The following LRP1B variants were observed in gnomAD, a reference collection of about 807,000 sequenced individuals.
LRP1B encodes low-density lipoprotein receptor-related protein 1B.
Under a neutral mutation model 556.6 loss-of-function variants are expected in LRP1B, and 217 were observed. That is an observed-to-expected ratio of 0.39 (90% CI 0.35 to 0.44). LRP1B has a LOEUF of 0.44. LRP1B is among the 20% of genes least tolerant of loss of function. The probability of loss-of-function intolerance (pLI) is 1.00; values close to 1 mark genes in which losing one functional copy is unlikely to be tolerated. For missense variants in LRP1B, 5,053 were observed against 5,620.8 expected (o/e 0.90, Z 3.23); for synonymous variants, 2,047 against 1,865.8 (o/e 1.10, Z -2.50).
At chr2:140,934,576 C>A (rs1288564116) in intron 20 of LRP1B, among the ~76,000 whole-genome samples, 6 of 151,964 alleles carry the variant, frequency 3.9e-5, no homozygotes, top group Non-Finnish European at 7.4e-5. Context: ...CCTATGAATC[C>A]CTCAGACCCC....
At chr2:140,428,372 G>T (rs907331748) in intron 66 of LRP1B, among the ~76,000 whole-genome samples, 5 of 152,102 alleles carry the variant, frequency 3.3e-5, no homozygotes, top group African/African-American at 1.2e-4. Flanking sequence ...AAACCGCAGT[G>T]GCCAGGTATT....
chr2:141,911,329 G>T (rs566400240), intron 1 of LRP1B, among the ~76,000 whole-genome samples: 1 of 152,040 alleles, frequency 6.6e-6, no homozygotes, highest in Non-Finnish European at 1.5e-5. Context: ...TTATATTTCT[G>T]CAATAAAATT....
intron 1 of LRP1B, among the ~76,000 whole-genome samples, chr2:141,978,240 T>C (rs1023938939): frequency 3.3e-5 from 5 of 152,088 alleles, no homozygotes; most frequent in Admixed American, 3.3e-4. Flanking sequence ...AATTGGGTCA[T>C]TGGGGACTGT....
intron 18 of LRP1B, among the ~76,000 whole-genome samples, chr2:140,958,955 A>C (rs1695954421): frequency 6.6e-6 from 1 of 151,654 alleles, no homozygotes; most frequent in Non-Finnish European, 1.5e-5. Flanking sequence ...GAAATCAAGA[A>C]ATATCAGTCA....
intron 2 of LRP1B, among the ~76,000 whole-genome samples, chr2:141,706,017 A>C (rs865871502): frequency 4.7e-4 from 71 of 152,176 alleles, no homozygotes; most frequent in African/African-American, 1.6e-3. Flanking sequence ...TAAATAGAAC[A>C]CGACTAAGTA....
At chr2:141,480,231 G>T in intron 3 of LRP1B, 165 bp downstream of exon 3, 1 of 703,902 alleles carries the variant, frequency 1.4e-6, no homozygotes, top group Non-Finnish European at 2.5e-6. Context: ...CATAATACTT[G>T]CAGCTTTGAA....
chr2:140,851,525 C>T (rs1044008481), intron 28 of LRP1B, 127 bp downstream of exon 28: 1 of 1,026,386 alleles, frequency 9.7e-7, no homozygotes, highest in Non-Finnish European at 1.4e-6. Flanking sequence ...GCACCACCAC[C>T]TAAAATATTT....
intron 2 of LRP1B, among the ~76,000 whole-genome samples, chr2:141,493,441 A>G (rs1176541869): frequency 6.6e-6 from 1 of 152,168 alleles, no homozygotes. Flanking sequence ...CAAATATTTA[A>G]CAACAGATGA....
chr2:141,926,422 G>A (rs1269635110), intron 1 of LRP1B, among the ~76,000 whole-genome samples: 1 of 152,116 alleles, frequency 6.6e-6, no homozygotes, highest in Admixed American at 6.6e-5. Flanking sequence ...ACAGCGCTTA[G>A]AAACTAAGTA....
intron 2 of LRP1B, among the ~76,000 whole-genome samples, chr2:141,487,066 C>G (rs79090878): frequency 1.3e-5 from 2 of 152,120 alleles, no homozygotes; most frequent in Non-Finnish European, 2.9e-5. Context: ...TTCCTCACAG[C>G]GTTCCATGGA....
chr2:140,981,936 T>A (rs1300593827), intron 18 of LRP1B, among the ~76,000 whole-genome samples: 1 of 152,186 alleles, frequency 6.6e-6, no homozygotes, highest in Non-Finnish European at 1.5e-5. Flanking sequence ...TTAAATCCAT[T>A]TATTTTAGCT....
At chr2:140,835,430 G>A (rs570523757) in intron 31 of LRP1B, among the ~76,000 whole-genome samples, 5 of 152,264 alleles carry the variant, frequency 3.3e-5, no homozygotes, top group Non-Finnish European at 5.9e-5. Context: ...CACTTGCCAC[G>A]TCTTTTCTCC....
chr2:140,422,865 T>C (rs1685503993), intron 66 of LRP1B, among the ~76,000 whole-genome samples: 1 of 152,216 alleles, frequency 6.6e-6, no homozygotes, highest in Admixed American at 6.5e-5. Flanking sequence ...GTACTCTAGA[T>C]GGAAATGTGT....
chr2:140,670,714 A>C (rs1281890664), intron 41 of LRP1B, among the ~76,000 whole-genome samples: 1 of 152,220 alleles, frequency 6.6e-6, no homozygotes, highest in East Asian at 1.9e-4. Context: ...AGTTCAGTAC[A>C]AATCCAGGCA....
chr2:140,609,243 G>A (rs1405636520), intron 41 of LRP1B, among the ~76,000 whole-genome samples: 3 of 152,098 alleles, frequency 2.0e-5, no homozygotes, highest in Non-Finnish European at 4.4e-5. Context: ...ATTAGAAAAT[G>A]ACTTGGGATC....
At chr2:140,403,769 T>TTAGATATTCAAGTA (rs1684608506) in intron 66 of LRP1B, among the ~76,000 whole-genome samples, 1 of 152,070 alleles carries the variant, frequency 6.6e-6, no homozygotes, top group African/African-American at 2.4e-5. Flanking sequence ...TACAAGGAGT[T>TTAGATATTCAAGTA]CAAAGAACTC....
At chr2:140,877,323 C>T (rs1356731188) in intron 25 of LRP1B, among the ~76,000 whole-genome samples, 1 of 152,060 alleles carries the variant, frequency 6.6e-6, no homozygotes, top group Non-Finnish European at 1.5e-5. Flanking sequence ...ATTTTCTTGT[C>T]ACAGGACATG....
At chr2:141,038,989 C>T (rs1416005834) in intron 11 of LRP1B, among the ~76,000 whole-genome samples, 6 of 152,048 alleles carry the variant, frequency 3.9e-5, no homozygotes, top group East Asian at 1.9e-4. Context: ...TTTCACCTTC[C>T]GTGGTTTCAG....
At chr2:141,583,906 A>ATTTTTTTTTT (rs113916906) in intron 2 of LRP1B, among the ~76,000 whole-genome samples, 1 of 145,480 alleles carries the variant, frequency 6.9e-6, no homozygotes, top group African/African-American at 2.5e-5. Context: ...TGCCCGGCTA[A>ATTTTTTTTTT]TTTTTTTTTT....
Sources: gnomAD v4.1 joint callset for allele counts (sites outside exome capture counted in the v4.1 genomes callset) on GRCh38, gnomAD v4.1.1 for gene constraint, MANE v1.5 for transcripts, NCBI Gene and HGNC (gene_info 2026-07-23, HGNC 2026-07-21) for gene names.